CCDC68: variants seen among roughly 807,000 people sequenced by gnomAD.
CCDC68 encodes the protein coiled-coil domain-containing protein 68.
In CCDC68, 45 loss-of-function variants were observed where a neutral mutation model predicts 47.1. That is an observed-to-expected ratio of 0.96 (90% CI 0.75 to 1.23). The LOEUF is 1.23. CCDC68 is among the 50% of genes most tolerant of loss of function. The pLI, the probability that CCDC68 is intolerant of heterozygous loss-of-function variation, is 0.00. For synonymous variants in CCDC68, 131 were observed against 129.5 expected, an observed-to-expected ratio of 1.01 and a Z score of -0.08; for missense variants, 353 against 373.6, an observed-to-expected ratio of 0.94 and a Z score of 0.45.
intron 8 of CCDC68, among the ~76,000 whole-genome samples, chr18:54,924,039 A>G (rs969316757): frequency 3.3e-5 from 5 of 152,168 alleles, no homozygotes; most frequent in South Asian, 4.1e-4. Flanking sequence ...CTGGAGGAAG[A>G]AAACATAAGG....
At chr18:54,917,829 TCACGTGCACAGACACACACACA>T (rs1382194017) in intron 10 of CCDC68, 62 bp downstream of exon 10, 5 of 740,470 alleles carry the variant, frequency 6.8e-6, no homozygotes, top group South Asian at 6.4e-5. Flanking sequence ...ACTGATACCC[TCACGTGCACAGACACACACACA>T]CACACACACA....
intron 6 of CCDC68, among the ~76,000 whole-genome samples, chr18:54,935,648 C>G (rs2044331449): frequency 6.6e-6 from 1 of 152,156 alleles, no homozygotes; most frequent in Non-Finnish European, 1.5e-5. Context: ...TAGCATAGCA[C>G]CCTCATCCGC....
At chr18:54,928,300 A>G (rs1020220251) in intron 8 of CCDC68, among the ~76,000 whole-genome samples, 1 of 152,200 alleles carries the variant, frequency 6.6e-6, no homozygotes, top group Non-Finnish European at 1.5e-5. Flanking sequence ...GAGTATTTAT[A>G]AGTAAGTCCA....
chr18:54,904,663 G>T (rs1568128266), intron 11 of CCDC68, among the ~76,000 whole-genome samples: 1 of 152,184 alleles, frequency 6.6e-6, no homozygotes, highest in Non-Finnish European at 1.5e-5. Flanking sequence ...GGGAGCATGA[G>T]GGAAGCCGGA....
intron 4 of CCDC68, among the ~76,000 whole-genome samples, chr18:54,939,871 TG>T (rs961279127): frequency 2.0e-5 from 3 of 152,136 alleles, no homozygotes; most frequent in Middle Eastern, 3.4e-3. Flanking sequence ...GTAGAGATTT[TG>T]CCATGATAAT....
chr18:54,936,728 T>C, intron 6 of CCDC68, 105 bp downstream of exon 6: 1 of 1,388,398 alleles, frequency 7.2e-7, no homozygotes, highest in Non-Finnish European at 1.0e-6. Flanking sequence ...TTTTGCCAAG[T>C]CACTTGGCCA....
intron 1 of CCDC68, among the ~76,000 whole-genome samples, chr18:54,946,083 T>G (rs2044520291): frequency 6.6e-6 from 1 of 152,172 alleles, no homozygotes; most frequent in Non-Finnish European, 1.5e-5. Flanking sequence ...ATTATATGAA[T>G]TTCAAATTTA....
At chr18:54,936,105 ATTATTTATATAGATAAATATAT>A (rs2044337896) in intron 6 of CCDC68, among the ~76,000 whole-genome samples, 1 of 146,494 alleles carries the variant, frequency 6.8e-6, no homozygotes, top group South Asian at 2.1e-4. Context: ...ATATAACTAT[ATTATTTATATAGATAAATATAT>A]TTATTTATAT....
At chr18:54,934,129 CTT>C (rs1328305162) in intron 7 of CCDC68, among the ~76,000 whole-genome samples, 1 of 152,156 alleles carries the variant, frequency 6.6e-6, no homozygotes, top group Non-Finnish European at 1.5e-5. Context: ...CCAGTTTTCT[CTT>C]TGTTTTGCTA....
At chr18:54,957,959 T>C (rs1202876085) in intron 1 of CCDC68, 4 of 152,194 alleles carry the variant, frequency 2.6e-5, no homozygotes, top group African/African-American at 9.7e-5. Flanking sequence ...TGGCCAAAAT[T>C]TGGATTACAA....
rs895491425 is a variant in CCDC68 at position 54,925,114 on chromosome 18, G to C, written c.683+3686C>G. Among the ~76,000 whole-genome samples, 2 of 152,146 alleles carry C rather than the reference G, an allele frequency of 1.3e-5. 1 individual carries two copies. Among genetic ancestry groups the C allele is most frequent in the Non-Finnish European group, 2.9e-5 (2 of 68,024 alleles). Reference sequence around the variant, plus strand: ...TGATTGGTTTTAATCATGTGGAATTGTGACTCAGAAAACTAATCATCATTT... The same window carrying C: ...TGATTGGTTTTAATCATGTGGAATTCTGACTCAGAAAACTAATCATCATTT... On this transcript the variant is annotated intron_variant, in intron 8 of 11. Coordinates refer to ENST00000591504, the MANE Select transcript of CCDC68 (RefSeq NM_025214.3).
rs564474673 is a variant in CCDC68, at chr18:54,936,233, TAAA to T, written c.471+597_471+599del. Among the ~76,000 whole-genome samples the T allele has an allele frequency of 1.2e-3, 168 of 144,006 alleles. 1 individual carries two copies. Among genetic ancestry groups the T allele is most frequent in the African/African-American group, 3.7e-3 (145 of 39,704 alleles). 94.5% of individuals were successfully genotyped at this position (144,006 alleles called of 152,430 possible). A position where few individuals can be genotyped will look rare whatever the true frequency, so the allele number is the denominator to read the frequency against. The stretch of plus-strand genomic sequence containing the variant: ...AGATAAATATATATCTATATATTTT[TAAA>T]AAATATATAGTTATATATATTTAAA... On this transcript the variant is annotated intron_variant, in intron 6 of 11. Coordinates refer to ENST00000591504, the MANE Select transcript of CCDC68 (RefSeq NM_025214.3).
intron 11 of CCDC68, among the ~76,000 whole-genome samples, chr18:54,904,730 T>C (rs578011501): frequency 3.9e-5 from 6 of 152,100 alleles, no homozygotes; most frequent in South Asian, 2.1e-4. Flanking sequence ...CCAGAGTGAG[T>C]TGGAGATGAC....
intron 6 of CCDC68, 126 bp downstream of exon 6, chr18:54,936,707 T>C (rs1313190332): frequency 4.2e-6 from 5 of 1,188,902 alleles, no homozygotes; most frequent in East Asian, 2.4e-5. Flanking sequence ...ACACCGCTTC[T>C]TTCCCAAGTC....
chr18:54,933,013 A>C (rs953530954), intron 7 of CCDC68, among the ~76,000 whole-genome samples: 1 of 152,248 alleles, frequency 6.6e-6, no homozygotes, highest in African/African-American at 2.4e-5. Flanking sequence ...AATATACCCC[A>C]GAACTCTGAG....
chr18:54,942,550 C>A, intron 3 of CCDC68, 125 bp downstream of exon 3: 1 of 599,886 alleles, frequency 1.7e-6, no homozygotes, highest in Non-Finnish European at 2.9e-6. Flanking sequence ...GAAGACTGTC[C>A]TTTGCCAAAC....
At chr18:54,926,235 GA>G (rs2044142954) in intron 8 of CCDC68, among the ~76,000 whole-genome samples, 1 of 152,154 alleles carries the variant, frequency 6.6e-6, no homozygotes, top group Non-Finnish European at 1.5e-5. Flanking sequence ...ATTTATAAAG[GA>G]AAGAGGTTTA....
intron 1 of CCDC68, among the ~76,000 whole-genome samples, chr18:54,956,528 G>A (rs571653022): frequency 1.3e-5 from 2 of 152,316 alleles, no homozygotes; most frequent in South Asian, 4.1e-4. Context: ...CTACCAAATG[G>A]TGAACAAAAT....
Position 54,936,924 on chromosome 18 carries a change from A to G in CCDC68, c.380T>C (p.Leu127Pro), listed in dbSNP as rs2044359023. 6 of 1,614,164 alleles carry G rather than the reference A, an allele frequency of 3.7e-6. No homozygotes were observed. Among genetic ancestry groups the G allele is most frequent in the Non-Finnish European group, 5.1e-6 (6 of 1,180,024 alleles). ...QASREAGAAA[L>P]RNVAQRLFEN... ...AAATAATCTCTGGGCCACGTTTCTC[A>G]GAGCTGCTGCTCCTGCTTCTCTGGA... Residue 127 changes from leucine (L) to proline (P), a missense_variant, in exon 6 of 12, where the codon CTG becomes CCG. By Grantham distance (98) the Leu-to-Pro change is moderately conservative. Transcript: ENST00000591504.
Sources: gnomAD v4.1 joint callset for allele counts (sites outside exome capture counted in the v4.1 genomes callset) on GRCh38, gnomAD v4.1.1 for gene constraint, MANE v1.5 for transcripts, NCBI Gene and HGNC (gene_info 2026-07-23, HGNC 2026-07-21) for gene names.